UBL3: variants seen among roughly 807,000 people sequenced by gnomAD.
UBL3 encodes the protein ubiquitin like 3, also known as ubiquitin-like protein 3.
UBL3 carries 6 observed loss-of-function variants against 18.4 expected under a neutral mutation model. The ratio of observed to expected loss-of-function variants is 0.33; its 90% CI spans 0.18 to 0.64. The LOEUF (loss-of-function observed/expected upper bound fraction) is 0.64. UBL3 is among the 30% of genes least tolerant of loss of function. UBL3 has a pLI of 0.76. For missense variants in UBL3, 109 were observed against 142.9 expected (o/e 0.76, Z 1.21); for synonymous variants, 49 against 46.6 (o/e 1.05, Z -0.21).
At chr13:29,772,587 T>C (rs1184647261) in intron 2 of UBL3, among the ~76,000 whole-genome samples, 1 of 152,050 alleles carries the variant, frequency 6.6e-6, no homozygotes, top group Non-Finnish European at 1.5e-5. Context: ...CCTGTTAAAA[T>C]GTACATTTAA....
intron 1 of UBL3, among the ~76,000 whole-genome samples, chr13:29,845,648 A>G (rs1291176138): frequency 6.6e-6 from 1 of 152,112 alleles, no homozygotes; most frequent in Non-Finnish European, 1.5e-5. Context: ...TAATTCTTAC[A>G]TGAATGGAAG....
intron 1 of UBL3, among the ~76,000 whole-genome samples, chr13:29,822,262 C>A (rs1482671787): frequency 6.6e-6 from 1 of 152,096 alleles, no homozygotes. Context: ...TCTAAAGATT[C>A]TTTTCAAAGG....
Position 29,766,544 on chromosome 13 carries a change from A to G in UBL3, c.*711T>C, listed in dbSNP as rs1876688278. 1 of 152,526 alleles carries G rather than the reference A, an allele frequency of 6.6e-6. No homozygotes were observed. Among genetic ancestry groups the G allele is most frequent in the African/African-American group, 2.4e-5 (1 of 41,418 alleles). The allele number at this position is 152,526 out of a possible 1,614,324, so 9.4% of individuals were successfully genotyped here. A position where few individuals can be genotyped will look rare whatever the true frequency, so the allele number is the denominator to read the frequency against. On this transcript the variant is annotated 3_prime_UTR_variant, in exon 5 of 5. Transcript: ENST00000380680. Reference sequence around the variant, plus strand: ...CCCTTCTTGTGCTGTCTAAACAAACACTCAGTTACTGTAGGACTCAAGAGT... The same window carrying G: ...CCCTTCTTGTGCTGTCTAAACAAACGCTCAGTTACTGTAGGACTCAAGAGT...
At chr13:29,786,574 A>G (rs184269474) in intron 1 of UBL3, among the ~76,000 whole-genome samples, 50 of 152,346 alleles carry the variant, frequency 3.3e-4, no homozygotes, top group Middle Eastern at 3.4e-3. Context: ...TGGGGCAGCA[A>G]TCATATTTGC....
intron 1 of UBL3, among the ~76,000 whole-genome samples, chr13:29,845,411 T>A (rs957953024): frequency 1.3e-5 from 2 of 151,858 alleles, no homozygotes; most frequent in Non-Finnish European, 2.9e-5. Flanking sequence ...GAAATAAGAA[T>A]CATCAGGAAT....
At chr13:29,778,471 T>A (rs1421538957) in intron 1 of UBL3, among the ~76,000 whole-genome samples, 2 of 152,192 alleles carry the variant, frequency 1.3e-5, no homozygotes, top group Admixed American at 6.5e-5. Flanking sequence ...AAAAGTTGGG[T>A]CCAGTCCAGA....
intron 1 of UBL3, among the ~76,000 whole-genome samples, chr13:29,805,962 A>C (rs1022426891): frequency 4.6e-5 from 7 of 152,166 alleles, no homozygotes; most frequent in Non-Finnish European, 8.8e-5. Flanking sequence ...GATCACCTGA[A>C]GTCAGGAGTT....
intron 1 of UBL3, among the ~76,000 whole-genome samples, chr13:29,806,280 A>G (rs1222992367): frequency 6.6e-6 from 1 of 152,228 alleles, no homozygotes; most frequent in Non-Finnish European, 1.5e-5. Flanking sequence ...TGTGCTATAG[A>G]GAAAAAACCT....
At chr13:29,821,459 CA>C (rs1163692261) in intron 1 of UBL3, among the ~76,000 whole-genome samples, 1 of 152,098 alleles carries the variant, frequency 6.6e-6, no homozygotes, top group Non-Finnish European at 1.5e-5. Flanking sequence ...CTCAGGAAGC[CA>C]GATGTAATAC....
chr13:29,823,395 G>C (rs910414587), intron 1 of UBL3, among the ~76,000 whole-genome samples: 10 of 152,178 alleles, frequency 6.6e-5, no homozygotes, highest in African/African-American at 2.4e-4. Flanking sequence ...CCCGCCTTCG[G>C]CCTCCCAAAC....
intron 1 of UBL3, among the ~76,000 whole-genome samples, chr13:29,805,348 G>C (rs1877873165): frequency 6.6e-6 from 1 of 152,184 alleles, no homozygotes; most frequent in Non-Finnish European, 1.5e-5. Context: ...AAAGTTCCTA[G>C]ATTTCAGCAG....
chr13:29,829,055 C>T (rs1878700394), intron 1 of UBL3, among the ~76,000 whole-genome samples: 1 of 152,148 alleles, frequency 6.6e-6, no homozygotes, highest in Admixed American at 6.5e-5. Flanking sequence ...CAGAGGGGTA[C>T]CTGGCCCTGT....
intron 1 of UBL3, among the ~76,000 whole-genome samples, chr13:29,817,441 T>C (rs138986654): frequency 1.3e-5 from 2 of 152,298 alleles, no homozygotes; most frequent in African/African-American, 2.4e-5. Flanking sequence ...GTCCCTGCTC[T>C]ACTTGGTAGG....
intron 3 of UBL3, among the ~76,000 whole-genome samples, chr13:29,771,865 G>C (rs892510611): frequency 1.3e-5 from 2 of 151,922 alleles, no homozygotes; most frequent in Non-Finnish European, 2.9e-5. Context: ...TTAAAAAATA[G>C]TAGGTATAGA....
chr13:29,776,323 T>C (rs1274196146), intron 2 of UBL3, among the ~76,000 whole-genome samples: 1 of 146,374 alleles, frequency 6.8e-6, no homozygotes, highest in Non-Finnish European at 1.5e-5. Context: ...AATGTAGTGG[T>C]GTGATAATTG....
intron 1 of UBL3, among the ~76,000 whole-genome samples, chr13:29,820,039 C>T (rs1451871687): frequency 1.3e-5 from 2 of 152,028 alleles, no homozygotes; most frequent in Non-Finnish European, 2.9e-5. Context: ...TAACTTATTC[C>T]AACATATGGC....
intron 1 of UBL3, among the ~76,000 whole-genome samples, chr13:29,839,933 A>AGGG (rs1879056047): frequency 2.1e-5 from 3 of 142,328 alleles, no homozygotes; most frequent in African/African-American, 7.8e-5. Context: ...TCTCGGGGGA[A>AGGG]AAAAAAAAAA....
intron 1 of UBL3, among the ~76,000 whole-genome samples, chr13:29,829,675 C>T (rs946478369): frequency 5.3e-5 from 8 of 152,114 alleles, no homozygotes; most frequent in Admixed American, 4.6e-4. Context: ...GGCTCACGCT[C>T]GGTGGGCTGC....
intron 1 of UBL3, among the ~76,000 whole-genome samples, chr13:29,826,752 C>T (rs1028153843): frequency 2.6e-5 from 4 of 152,050 alleles, no homozygotes; most frequent in Non-Finnish European, 5.9e-5. Context: ...GCTCTTGCTT[C>T]TCTAGTTCTT....
Sources: allele counts gnomAD v4.1 joint callset (sites outside exome capture counted in the v4.1 genomes callset), GRCh38; gene constraint gnomAD v4.1.1; transcripts MANE v1.5; gene names NCBI Gene and HGNC (gene_info 2026-07-23, HGNC 2026-07-21).